GPR158: variants seen among roughly 807,000 people sequenced by gnomAD.
GPR158 encodes G protein-coupled receptor 158.
Under a neutral mutation model 78.2 loss-of-function variants are expected in GPR158, and 30 were observed. That is an observed-to-expected ratio of 0.38 (90% CI 0.29 to 0.52). The LOEUF (loss-of-function observed/expected upper bound fraction) is 0.52. Among genes scored for constraint, GPR158 ranks in the 20% least tolerant of loss-of-function variants. The pLI, the probability that GPR158 is intolerant of heterozygous loss-of-function variation, is 0.83. For missense variants in GPR158, 1,463 were observed against 1,523.5 expected (o/e 0.96, Z 0.66); for synonymous variants, 581 against 591.1 (o/e 0.98, Z 0.25).
At chr10:25,589,250 A>T in intron 8 of GPR158, 105 bp downstream of exon 8, 1 of 689,364 alleles carries the variant, frequency 1.5e-6, no homozygotes, top group South Asian at 3.8e-5. Context: ...CTTAGCAAAG[A>T]TAGCATTTTA....
At chr10:25,451,379 A>G (rs1050984929) in intron 4 of GPR158, among the ~76,000 whole-genome samples, 3 of 152,202 alleles carry the variant, frequency 2.0e-5, no homozygotes, top group Non-Finnish European at 4.4e-5. Flanking sequence ...AATCAAATAG[A>G]ATAATTTTAA....
intron 5 of GPR158, among the ~76,000 whole-genome samples, chr10:25,498,857 C>T (rs1835918071): frequency 1.3e-5 from 2 of 152,074 alleles, no homozygotes; most frequent in Non-Finnish European, 1.5e-5. Flanking sequence ...GCACAGCTGT[C>T]GGATTTGTGT....
intron 2 of GPR158, among the ~76,000 whole-genome samples, chr10:25,374,351 T>C (rs1242947796): frequency 6.6e-6 from 1 of 151,690 alleles, no homozygotes; most frequent in Admixed American, 6.6e-5. Flanking sequence ...TAACATCATA[T>C]GTAACTGTGG....
chr10:25,485,253 A>G (rs1835720535), intron 5 of GPR158, among the ~76,000 whole-genome samples: 1 of 152,124 alleles, frequency 6.6e-6, no homozygotes, highest in Admixed American at 6.6e-5. Context: ...TGAGAAGTAG[A>G]TGACATTTTG....
At chr10:25,305,491 G>T (rs1009528958) in intron 2 of GPR158, among the ~76,000 whole-genome samples, 2 of 152,124 alleles carry the variant, frequency 1.3e-5, no homozygotes, top group African/African-American at 4.8e-5. Context: ...TATATTATAT[G>T]TGAGTCCAGG....
chr10:25,345,285 G>C lies in GPR158; in HGVS notation c.1009-50626G>C, dbSNP rs550185457. Among the ~76,000 whole-genome samples the C allele has an allele frequency of 1.8e-3, 269 of 152,056 alleles. 1 individual carries two copies. The highest frequency in any genetic ancestry group is 6.2e-3 in the African/African-American group (256 of 41,514). On this transcript the variant is annotated intron_variant, in intron 2 of 10. Coordinates refer to ENST00000376351, the MANE Select transcript of GPR158 (RefSeq NM_020752.3). Reference sequence around the variant, plus strand: ...GCCTCTCTCTGACGGAGGCTCTTCTGTTGCCCATCTTACCACTTGGCAAGG... The same window carrying C: ...GCCTCTCTCTGACGGAGGCTCTTCTCTTGCCCATCTTACCACTTGGCAAGG...
At chr10:25,280,858 G>A (rs796376092) in intron 2 of GPR158, among the ~76,000 whole-genome samples, 11 of 152,226 alleles carry the variant, frequency 7.2e-5, no homozygotes, top group African/African-American at 2.4e-4. Flanking sequence ...TCATCAGGTT[G>A]GACGTGGTGG....
At chr10:25,463,163 C>T (rs921999625) in intron 4 of GPR158, among the ~76,000 whole-genome samples, 1 of 152,180 alleles carries the variant, frequency 6.6e-6, no homozygotes, top group African/African-American at 2.4e-5. Context: ...AAGATTAGAA[C>T]TTGATGAAGC....
At chr10:25,491,584 C>T (rs1414014379) in intron 5 of GPR158, among the ~76,000 whole-genome samples, 1 of 152,028 alleles carries the variant, frequency 6.6e-6, no homozygotes, top group Admixed American at 6.6e-5. Context: ...TCATTTATCA[C>T]CCTAAAAGTC....
At chr10:25,241,201 TC>T (rs1853609689) in intron 2 of GPR158, among the ~76,000 whole-genome samples, 10 of 139,474 alleles carry the variant, frequency 7.2e-5, no homozygotes, top group South Asian at 2.4e-4. Context: ...TTTCTTTCTT[TC>T]CTTTCTTTCC....
intron 2 of GPR158, among the ~76,000 whole-genome samples, chr10:25,386,341 C>T (rs1157156920): frequency 6.6e-6 from 1 of 152,106 alleles, no homozygotes; most frequent in African/African-American, 2.4e-5. Flanking sequence ...ATTACTATAG[C>T]TTTGTAGTGT....
intron 2 of GPR158, among the ~76,000 whole-genome samples, chr10:25,311,541 ATTACT>A (rs1468775465): frequency 2.0e-5 from 3 of 151,910 alleles, no homozygotes; most frequent in East Asian, 1.9e-4. Context: ...TACTGACTTC[ATTACT>A]TTAATTTGCT....
intron 6 of GPR158, among the ~76,000 whole-genome samples, chr10:25,551,381 A>C (rs1287299869): frequency 6.6e-6 from 1 of 152,214 alleles, no homozygotes; most frequent in Non-Finnish European, 1.5e-5. Context: ...CAGAGCAGGA[A>C]GGAATACAAA....
rs1564501344 is a variant in GPR158 at position 25,597,340 on chromosome 10, T to C, written c.2146-432T>C. ...AGGGATATGGTTCACCTATAAACAA[T>C]ATGCTGTGTTTTGTTCTGGTCCAGG... On this transcript the variant is annotated intron_variant, in intron 10 of 10. Coordinates refer to ENST00000376351, the MANE Select transcript of GPR158 (RefSeq NM_020752.3). Among the ~76,000 whole-genome samples the C allele has an allele frequency of 2.0e-5, 3 of 152,334 alleles. No homozygotes were observed. In the East Asian group the frequency reaches 5.8e-4, roughly 29 times the overall value.
At chr10:25,204,884 T>A (rs1852999457) in intron 1 of GPR158, among the ~76,000 whole-genome samples, 1 of 149,546 alleles carries the variant, frequency 6.7e-6, no homozygotes, top group South Asian at 2.1e-4. Context: ...GGTTTGGCTG[T>A]GTCCCCAACC....
chr10:25,308,978 A>AT (rs1378933584), intron 2 of GPR158, among the ~76,000 whole-genome samples: 2 of 152,056 alleles, frequency 1.3e-5, no homozygotes, highest in Non-Finnish European at 2.9e-5. Flanking sequence ...GGTTGTTTCC[A>AT]TGTTTTAGCT....
chr10:25,225,735 G>T (rs1378806872), intron 2 of GPR158, among the ~76,000 whole-genome samples: 1 of 151,866 alleles, frequency 6.6e-6, no homozygotes, highest in Non-Finnish European at 1.5e-5. Context: ...GTCTTATATT[G>T]CTCTAAGACA....
chr10:25,365,190 G>T (rs918925479), intron 2 of GPR158, among the ~76,000 whole-genome samples: 1 of 151,168 alleles, frequency 6.6e-6, no homozygotes, highest in African/African-American at 2.4e-5. Context: ...TTTCATGTTT[G>T]CAGATGAAAA....
At chr10:25,264,884 G>A (rs950053946) in intron 2 of GPR158, among the ~76,000 whole-genome samples, 7 of 152,096 alleles carry the variant, frequency 4.6e-5, no homozygotes, top group East Asian at 1.9e-4. Flanking sequence ...GATACTCTGC[G>A]AACTATTTTT....
Sources: gnomAD v4.1 joint callset for allele counts (sites outside exome capture counted in the v4.1 genomes callset) on GRCh38, gnomAD v4.1.1 for gene constraint, MANE v1.5 for transcripts, NCBI Gene and HGNC (gene_info 2026-07-23, HGNC 2026-07-21) for gene names.